Variants in RNF38 observed in about 807,000 individuals in gnomAD.
The protein encoded by RNF38 is E3 ubiquitin-protein ligase RNF38.
A neutral mutation model predicts 67.2 loss-of-function variants in RNF38; 15 were observed. That is an observed-to-expected ratio of 0.22 (90% CI 0.15 to 0.34). The LOEUF (loss-of-function observed/expected upper bound fraction) is 0.34. Ranked by LOEUF, RNF38 falls within the 10% of genes least tolerant of loss-of-function variation. The pLI is 1.00. For synonymous variants in RNF38, 220 were observed against 218.8 expected, an observed-to-expected ratio of 1.01 and a Z score of -0.05; for missense variants, 524 against 639.9, an observed-to-expected ratio of 0.82 and a Z score of 1.95.
chr9:36,385,455 A>G lies in RNF38; in HGVS notation c.162+5012T>C, dbSNP rs374533987. Among the ~76,000 whole-genome samples, 20 of 150,824 alleles carry G rather than the reference A, an allele frequency of 1.3e-4. 1 individual carries two copies. In the East Asian group the frequency reaches 3.3e-3, roughly 25 times the overall value. The stretch of plus-strand genomic sequence containing the variant: ...GTGCAATGGCGCGATCTCGGCTCAC[A>G]GTAACCTCCGCCTCCCGGATTCAAG... On this transcript the variant is annotated intron_variant, in intron 2 of 11. Transcript: ENST00000259605.
chr9:36,388,041 A>G (rs1189263558), intron 2 of RNF38, among the ~76,000 whole-genome samples: 1 of 152,204 alleles, frequency 6.6e-6, no homozygotes, highest in Non-Finnish European at 1.5e-5. Flanking sequence ...AAAAGTATAC[A>G]AAGTGTGACA....
intron 2 of RNF38, among the ~76,000 whole-genome samples, chr9:36,407,212 G>C (rs1287757583): frequency 4.6e-5 from 7 of 152,202 alleles, no homozygotes; most frequent in Admixed American, 3.9e-4. Context: ...GGCTATAGCA[G>C]CTAGAGACCA....
chr9:36,432,126 GTAT>G (rs1838945279), intron 1 of RNF38, among the ~76,000 whole-genome samples: 1 of 150,376 alleles, frequency 6.6e-6, no homozygotes, highest in Non-Finnish European at 1.5e-5. Flanking sequence ...ATTAATCTGG[GTAT>G]TAAGTTTTTT....
At chr9:36,387,475 G>A (rs1836733535) in intron 2 of RNF38, among the ~76,000 whole-genome samples, 1 of 152,124 alleles carries the variant, frequency 6.6e-6, no homozygotes. Flanking sequence ...TGAATCCACT[G>A]ATAGTAAAGA....
Position 36,365,537 on chromosome 9 carries a change from C to T in RNF38, c.570+4182G>A, listed in dbSNP as rs539438199. The stretch of plus-strand genomic sequence containing the variant: ...GAGCCAAGATCTCACCATTGCACTG[C>T]ACTCCATCCTGGGCAAGAAGAGCGA... On this transcript the variant is annotated intron_variant, in intron 4 of 11. Transcript: ENST00000259605. 1.1e-3 allele frequency among the ~76,000 whole-genome samples: 167 copies of T among 152,260 alleles called. No homozygotes were observed. The South Asian group carries it at 0.033, about 30-fold the overall frequency.
rs1030402362 is a variant in RNF38 at position 36,358,395 on chromosome 9, C to T, written c.571-453G>A. 1.8e-4 allele frequency among the ~76,000 whole-genome samples: 28 copies of T among 152,214 alleles called. 1 individual carries two copies. The highest frequency in any genetic ancestry group is 6.0e-4 in the African/African-American group (25 of 41,450). On this transcript the variant is annotated intron_variant, in intron 4 of 11. Coordinates refer to ENST00000259605, the MANE Select transcript of RNF38 (RefSeq NM_022781.5). ...CCAATCTTATTCCCATCCTACCTGC[C>T]ACCCAGAGGCAAACGATGCTGATAA...
At chr9:36,459,125 T>C (rs534164736) in intron 1 of RNF38, among the ~76,000 whole-genome samples, 4 of 151,734 alleles carry the variant, frequency 2.6e-5, no homozygotes, top group South Asian at 4.2e-4. Flanking sequence ...GGAGAATCAC[T>C]TGAACCCAGG....
chr9:36,400,368 T>G, upstream of RNF38: 1 of 1,194,246 alleles, frequency 8.4e-7, no homozygotes, highest in Non-Finnish European at 1.0e-6. Context: ...AGCGAGGCCA[T>G]CTGCCGGGCA....
intron 1 of RNF38, among the ~76,000 whole-genome samples, chr9:36,393,510 TGTGTGTGTGTGTGG>T (rs1220597264): frequency 8.9e-4 from 131 of 147,842 alleles, no homozygotes; most frequent in Admixed American, 1.9e-3. Context: ...TGTGTGTGTG[TGTGTGTGTGTGTGG>T]GGCAGGCAGT....
At chr9:36,352,067 A>T (rs1281268297) in intron 8 of RNF38, among the ~76,000 whole-genome samples, 1 of 152,214 alleles carries the variant, frequency 6.6e-6, no homozygotes, top group Non-Finnish European at 1.5e-5. Flanking sequence ...TGGGAGGGTA[A>T]GATGGGCGGA....
chr9:36,359,689 G>GT (rs1834378921), intron 4 of RNF38, among the ~76,000 whole-genome samples: 1 of 151,514 alleles, frequency 6.6e-6, no homozygotes, highest in East Asian at 1.9e-4. Context: ...TTAGTATTAA[G>GT]ATTGTACTAA....
chr9:36,424,086 G>A (rs1239849554), intron 2 of RNF38, among the ~76,000 whole-genome samples: 1 of 151,964 alleles, frequency 6.6e-6, no homozygotes, highest in Non-Finnish European at 1.5e-5. Flanking sequence ...ATACATATCA[G>A]GCCCAAAGTA....
chr9:36,478,104 A>G (rs1014739424), intron 1 of RNF38, among the ~76,000 whole-genome samples: 2 of 152,124 alleles, frequency 1.3e-5, no homozygotes, highest in African/African-American at 2.4e-5. Flanking sequence ...TGCCAACAAG[A>G]CTTCTTAGAA....
intron 2 of RNF38, among the ~76,000 whole-genome samples, chr9:36,414,116 C>G (rs114781497): frequency 6.6e-6 from 1 of 151,914 alleles, no homozygotes; most frequent in Non-Finnish European, 1.5e-5. Context: ...ACTCCTTTAC[C>G]TTATGTTTAT....
intron 1 of RNF38, among the ~76,000 whole-genome samples, chr9:36,397,158 T>C (rs538785030): frequency 5.5e-4 from 82 of 150,392 alleles, no homozygotes; most frequent in Non-Finnish European, 9.9e-4. Flanking sequence ...TGGAGTGCAG[T>C]GGCGCAATCC....
At chr9:36,358,764 C>G (rs1834308906) in intron 4 of RNF38, among the ~76,000 whole-genome samples, 1 of 152,150 alleles carries the variant, frequency 6.6e-6, no homozygotes, top group Non-Finnish European at 1.5e-5. Context: ...AATTCCAACA[C>G]TTTGGGAGGC....
At chr9:36,470,637 T>C (rs950613907) in intron 1 of RNF38, among the ~76,000 whole-genome samples, 1 of 152,078 alleles carries the variant, frequency 6.6e-6, no homozygotes, top group African/African-American at 2.4e-5. Context: ...ATAATAAAAT[T>C]AACAAGATTG....
intron 1 of RNF38, among the ~76,000 whole-genome samples, chr9:36,392,865 T>C (rs904775934): frequency 6.6e-5 from 10 of 152,100 alleles, no homozygotes; most frequent in Non-Finnish European, 1.2e-4. Context: ...AGCAGCCAAC[T>C]GTAACATAAT....
chr9:36,436,650 C>T (rs1839071726), intron 1 of RNF38, among the ~76,000 whole-genome samples: 1 of 151,526 alleles, frequency 6.6e-6, no homozygotes, highest in Non-Finnish European at 1.5e-5. Flanking sequence ...GGTGAAACCC[C>T]TTCTCTACTA....
Sources: allele counts gnomAD v4.1 joint callset (sites outside exome capture counted in the v4.1 genomes callset), GRCh38; gene constraint gnomAD v4.1.1; transcripts MANE v1.5; gene names NCBI Gene and HGNC (gene_info 2026-07-23, HGNC 2026-07-21).